The following DTYMK variants were observed in gnomAD, a reference collection of about 807,000 sequenced individuals.
The protein encoded by DTYMK is thymidylate kinase.
A neutral mutation model predicts 20.3 loss-of-function variants in DTYMK; 20 were observed. The ratio of observed to expected loss-of-function variants is 0.99; its 90% CI spans 0.69 to 1.43. The LOEUF (loss-of-function observed/expected upper bound fraction) is 1.43. DTYMK is among the 40% of genes most tolerant of loss of function. The probability of loss-of-function intolerance (pLI) is 0.00; values close to 1 mark genes in which losing one functional copy is unlikely to be tolerated. For missense variants in DTYMK, 320 were observed against 291.1 expected (o/e 1.10, Z -0.72); for synonymous variants, 148 against 124.4 (o/e 1.19, Z -1.27).
At chr2:241,684,763 A>C in intron 2 of DTYMK, 1 of 463,480 alleles carries the variant, frequency 2.2e-6, no homozygotes. Flanking sequence ...CAATGATGTA[A>C]AACAAAAAAA....
chr2:241,678,612 C>T lies in DTYMK; in HGVS notation c.368G>A (p.Gly123Asp). The T allele has an allele frequency of 6.2e-7, 1 of 1,614,156 alleles. No individual in the cohort carries two copies. The highest frequency in any genetic ancestry group is 2.2e-5 in the East Asian group (1 of 44,888). The stretch of plus-strand genomic sequence containing the variant: ...CAGGACCAGGTCGGGTTTGGGAAGG[C>T]CCACGTCTGGCTGTTTACACCAATC... ...SLDWCKQPDVGLPKPDLVLFL... is the reference protein window; with the variant it reads ...SLDWCKQPDVDLPKPDLVLFL... Residue 123 changes from glycine (G) to aspartate (D), a missense_variant, in exon 4 of 5, where the codon GGC (glycine) becomes GAC (aspartate). Gly to Asp is a moderately conservative substitution (Grantham distance 94). Transcript: ENST00000305784.
intron 2 of DTYMK, 82 bp from the exon 3 acceptor site, chr2:241,680,401 G>T: frequency 6.8e-7 from 1 of 1,476,740 alleles, no homozygotes. Flanking sequence ...AACAGGCTGT[G>T]CGCAGTGGCT....
chr2:241,686,510 G>C, intron 1 of DTYMK, 144 bp downstream of exon 1: 2 of 1,283,254 alleles, frequency 1.6e-6, no homozygotes, highest in Non-Finnish European at 2.0e-6. Context: ...CTCCAGCCTG[G>C]GCGACACAGG....
chr2:241,684,418 G>A (rs1354537023), intron 2 of DTYMK, among the ~76,000 whole-genome samples: 4 of 152,170 alleles, frequency 2.6e-5, no homozygotes, highest in Non-Finnish European at 4.4e-5. Flanking sequence ...AAGCTAAGCC[G>A]GAGGAGAGTA....
Position 241,676,147 on chromosome 2 carries a change from G to A in DTYMK, c.619C>T (p.Leu207=). 6.2e-7 allele frequency: 1 copy of A among 1,612,408 alleles called. No homozygotes were observed. Among genetic ancestry groups the A allele is most frequent in the Non-Finnish European group, 8.5e-7 (1 of 1,179,230 alleles). Residue 207 remains leucine, a synonymous_variant, in exon 5 of 5, where the codon CTG becomes TTG. Coordinates refer to ENST00000305784, the MANE Select transcript of DTYMK (RefSeq NM_012145.4). ...DAIRTATEKP[L]GELWK is the part of the protein sequence containing the mutation. ...TTGGGTCACTTCCATAGCTCCCCCA[G>A]CGGCTTCTCTGTGGCAGTGCGGATG... is the stretch of plus-strand genomic sequence containing the variant.
intron 4 of DTYMK, 114 bp downstream of exon 4, chr2:241,678,337 TG>T: frequency 6.9e-7 from 1 of 1,448,874 alleles, no homozygotes; most frequent in South Asian, 1.3e-5. Flanking sequence ...GCTCCACATC[TG>T]GGAGGACCAG....
chr2:241,680,006 C>T (rs2069203538), intron 3 of DTYMK, among the ~76,000 whole-genome samples: 1 of 148,560 alleles, frequency 6.7e-6, no homozygotes, highest in South Asian at 2.1e-4. Context: ...AAAATATAAT[C>T]CAAATACCAA....
In DTYMK at chr2:241,686,657, G is replaced by C; in HGVS notation, c.127C>G (p.Pro43Ala). 6.6e-7 allele frequency: 1 copy of C among 1,515,450 alleles called. No homozygotes were observed. Among genetic ancestry groups the C allele is most frequent in the Non-Finnish European group, 8.7e-7 (1 of 1,143,710 alleles). 93.9% of individuals were successfully genotyped at this position (1,515,450 alleles called of 1,614,324 possible). A position where few individuals can be genotyped will look rare whatever the true frequency, so the allele number is the denominator to read the frequency against. The change falls in exon 1 of 5, where the codon CCG (proline) becomes GCG (alanine). Residue 43 changes from proline to alanine, a missense_variant. Pro to Ala is a conservative substitution (Grantham distance 27). Transcript: ENST00000305784. ...ACCCCCCGCCGCGCGCACCCACCCG[G>C]GAACCGGAGCAGTTCGGCGCGGTGG... The part of the protein sequence containing the change: ...AGHRAELLRF[P>A]ERSTEIGKLL...
At chr2:241,686,546 C>A (rs28630677) in intron 1 of DTYMK, 108 bp downstream of exon 1, 28 of 1,349,798 alleles carry the variant, frequency 2.1e-5, no homozygotes, top group Non-Finnish European at 2.6e-5. Flanking sequence ...AAAATAAAAA[C>A]CGCACAGTTC....
At position 241,686,747 on chromosome 2, in the gene DTYMK, C is replaced by A. The variant is rs779996055; in HGVS notation, c.37G>T (p.Gly13Cys). The A allele has an allele frequency of 1.3e-6, 2 of 1,525,416 alleles. No individual in the cohort carries two copies. Among genetic ancestry groups the A allele is most frequent in the Non-Finnish European group, 1.7e-6 (2 of 1,151,414 alleles). 94.5% of individuals were successfully genotyped at this position (1,525,416 alleles called of 1,614,324 possible). Reference sequence around the variant, plus strand: ...GTGCTCTTCCCGGCGCGGTCCACGCCCTCCAGCACTATGAGAGCCCCGCGC... The same window carrying A: ...GTGCTCTTCCCGGCGCGGTCCACGCACTCCAGCACTATGAGAGCCCCGCGC... ...ARRGALIVLE[G>C]VDRAGKSTQS... The change falls in exon 1 of 5, where the codon GGC becomes TGC. Residue 13 changes from glycine (G) to cysteine (C), a missense_variant. Gly to Cys is a radical substitution (Grantham distance 159, BLOSUM62 -3). Transcript: ENST00000305784.
At chr2:241,677,204 G>C (rs1015997477) in intron 4 of DTYMK, among the ~76,000 whole-genome samples, 1 of 152,204 alleles carries the variant, frequency 6.6e-6, no homozygotes, top group Non-Finnish European at 1.5e-5. Context: ...GCACTTGGAA[G>C]AATCTAACCA....
At chr2:241,685,931 T>C (rs2069385131) in intron 1 of DTYMK, 54 bp from the exon 2 acceptor site, 2 of 1,552,510 alleles carry the variant, frequency 1.3e-6, no homozygotes, top group Admixed American at 1.7e-5. Flanking sequence ...TTTCCCTCTA[T>C]ATTACAATAT....
chr2:241,675,911 A>G lies in DTYMK; in HGVS notation c.*216T>C, dbSNP rs2069101105. On this transcript the variant is annotated 3_prime_UTR_variant, in exon 5 of 5. Transcript: ENST00000305784. ...AGGGGAGAGGGCAGGAGACTGCTCC[A>G]TCGCTCTGCTCATGTCCACACTGCC... 2 of 491,424 alleles carry G rather than the reference A, an allele frequency of 4.1e-6. No individual in the cohort carries two copies. The highest frequency in any genetic ancestry group is 7.0e-5 in the East Asian group (2 of 28,594). The allele number at this position is 491,424 out of a possible 1,614,324, so 30.4% of individuals were successfully genotyped here.
Position 241,686,646 on chromosome 2 carries a change from G to A in DTYMK, c.130+8C>T. ...GGCCGCGGCGCACCCCCCGCCGCGC[G>A]CACCCACCCGGGAACCGGAGCAGTT... On this transcript the variant is annotated splice_region_variant and intron_variant, in intron 1 of 4. Coordinates refer to ENST00000305784, the MANE Select transcript of DTYMK (RefSeq NM_012145.4). 6.7e-7 allele frequency: 1 copy of A among 1,503,570 alleles called. No homozygotes were observed. Among genetic ancestry groups the A allele is most frequent in the South Asian group, 1.2e-5 (1 of 80,306 alleles). 93.1% of individuals were successfully genotyped at this position (1,503,570 alleles called of 1,614,324 possible).
chr2:241,686,721 C>T lies in DTYMK; in HGVS notation c.63G>A (p.Thr21=). Reference sequence around the variant, plus strand: ...GCGCTTCCACCAGCTTGCGGCTCTGCGTGCTCTTCCCGGCGCGGTCCACGC... The same window carrying T: ...GCGCTTCCACCAGCTTGCGGCTCTGTGTGCTCTTCCCGGCGCGGTCCACGC... ...LEGVDRAGKS[T]QSRKLVEALC... The change falls in exon 1 of 5, where the codon ACG becomes ACA. Residue 21 remains threonine (T), a synonymous_variant. Transcript: ENST00000305784. 6.5e-7 allele frequency: 1 copy of T among 1,544,980 alleles called. No individual in the cohort carries two copies. Among genetic ancestry groups the T allele is most frequent in the Non-Finnish European group, 8.6e-7 (1 of 1,158,542 alleles).
At position 241,675,913 on chromosome 2, in the gene DTYMK, C is replaced by T. The variant is rs1575100342; in HGVS notation, c.*214G>A. On this transcript the variant is annotated 3_prime_UTR_variant, in exon 5 of 5. Transcript: ENST00000305784. ...GGGAGAGGGCAGGAGACTGCTCCAT[C>T]GCTCTGCTCATGTCCACACTGCCAA... 2.8e-5 allele frequency: 14 copies of T among 492,624 alleles called. No individual in the cohort carries two copies. In the South Asian group the frequency reaches 3.3e-4, roughly 12 times the overall value. 30.5% of individuals were successfully genotyped at this position (492,624 alleles called of 1,614,324 possible).
chr2:241,680,236 G>C lies in DTYMK; in HGVS notation c.323C>G (p.Ala108Gly), dbSNP rs2069209652. ...AGGCCAAGTGGCACTCACCTCCTTGGCACCGGTGAAGGCCACACCAGAAAA... is the reference window on the plus strand; with the variant it reads ...AGGCCAAGTGGCACTCACCTCCTTGCCACCGGTGAAGGCCACACCAGAAAA... ...YAFSGVAFTG[A>G]KENFSLDWCK... Residue 108 changes from alanine to glycine, a missense_variant, in exon 3 of 5, where the codon GCC becomes GGC. Transcript: ENST00000305784. 1.9e-6 allele frequency: 3 copies of C among 1,614,084 alleles called. No homozygotes were observed. The highest frequency in any genetic ancestry group is 2.5e-6 in the Non-Finnish European group (3 of 1,179,984).
In DTYMK at chr2:241,682,388, C is replaced by T. The variant is rs2069278737; in HGVS notation, c.240-2069G>A. 4 of 345,910 alleles carry T rather than the reference C, an allele frequency of 1.2e-5. 1 individual carries two copies. Among genetic ancestry groups the T allele is most frequent in the South Asian group, 4.3e-5 (2 of 46,562 alleles). The allele number at this position is 345,910 out of a possible 1,614,324, so 21.4% of individuals were successfully genotyped here. A position where few individuals can be genotyped will look rare whatever the true frequency, so the allele number is the denominator to read the frequency against. ...AGAAAACAGAAAAGGCAAACCACAG[C>T]CTAGGAGAAAATATGTATAAAAGAC... On this transcript the variant is annotated intron_variant, in intron 2 of 4. Transcript: ENST00000305784.
chr2:241,677,467 G>C (rs978711462), intron 4 of DTYMK, among the ~76,000 whole-genome samples: 1 of 152,268 alleles, frequency 6.6e-6, no homozygotes, highest in African/African-American at 2.4e-5. Flanking sequence ...AGTCGGGCTG[G>C]GGCGAGACCC....
Sources: gnomAD v4.1 joint callset for allele counts (sites outside exome capture counted in the v4.1 genomes callset) on GRCh38, gnomAD v4.1.1 for gene constraint, MANE v1.5 for transcripts, NCBI Gene and HGNC (gene_info 2026-07-23, HGNC 2026-07-21) for gene names.